CXADR: variants seen among roughly 807,000 people sequenced by gnomAD.
The protein encoded by CXADR is coxsackievirus and adenovirus receptor.
Under a neutral mutation model 40.3 loss-of-function variants are expected in CXADR, and 20 were observed. The ratio of observed to expected loss-of-function variants is 0.50; its 90% CI spans 0.35 to 0.72. The LOEUF (loss-of-function observed/expected upper bound fraction) is 0.72. Ranked by LOEUF, CXADR falls within the 30% of genes least tolerant of loss-of-function variation. CXADR has a pLI of 0.01. For synonymous variants in CXADR, 150 were observed against 161.3 expected, an observed-to-expected ratio of 0.93 and a Z score of 0.53; for missense variants, 332 against 449.1, an observed-to-expected ratio of 0.74 and a Z score of 2.36.
intron 7 of CXADR, among the ~76,000 whole-genome samples, chr21:17,583,477 T>C (rs1399631681): frequency 6.6e-6 from 1 of 152,188 alleles, no homozygotes; most frequent in Non-Finnish European, 1.5e-5. Context: ...GGGGTGGTTG[T>C]TTTTCAGATT....
chr21:17,534,019 T>TATATATAGCTCTATATATATATATACAC (rs1356079376), intron 1 of CXADR, among the ~76,000 whole-genome samples: 2 of 81,400 alleles, frequency 2.5e-5, no homozygotes, highest in Non-Finnish European at 5.5e-5. Flanking sequence ...TATATATATA[T>TATATATAGCTCTATATATATATATACAC]ATATATATAG....
intron 4 of CXADR, 35 bp from the exon 5 acceptor site, chr21:17,560,665 TAA>T: frequency 6.3e-7 from 1 of 1,589,744 alleles, no homozygotes; most frequent in Non-Finnish European, 8.6e-7. Flanking sequence ...ATACATACTA[TAA>T]AAATGAGTTT....
the CXADR span, among the ~76,000 whole-genome samples, chr21:17,605,692 A>C: frequency 6.6e-6 from 1 of 152,216 alleles, no homozygotes; most frequent in Non-Finnish European, 1.5e-5. Context: ...TTTTTAACCT[A>C]TTATACGACA....
intron 1 of CXADR, among the ~76,000 whole-genome samples, chr21:17,529,475 C>T (rs2123157706): frequency 6.6e-6 from 1 of 152,278 alleles, no homozygotes; most frequent in African/African-American, 2.4e-5. Flanking sequence ...CATGTGCCAC[C>T]ACGCCCTGCT....
chr21:17,610,662 T>C, the CXADR span, among the ~76,000 whole-genome samples: 19 of 152,356 alleles, frequency 1.2e-4, no homozygotes, highest in African/African-American at 4.6e-4. Flanking sequence ...ATCTGGCTGC[T>C]GTAACCTGGA....
At chr21:17,620,238 T>G in the CXADR span, among the ~76,000 whole-genome samples, 1,097 of 152,298 alleles carry the variant, frequency 7.2e-3, 19 homozygotes, top group African/African-American at 0.025. Flanking sequence ...GTGTGACTCT[T>G]TTTTTCACTT....
intron 4 of CXADR, among the ~76,000 whole-genome samples, chr21:17,560,281 C>T (rs962446267): frequency 8.5e-5 from 13 of 152,140 alleles, no homozygotes; most frequent in African/African-American, 3.1e-4. Flanking sequence ...AACTAAGAGA[C>T]CAATCTGGGA....
chr21:17,515,892 A>G (rs1173766460), intron 1 of CXADR, among the ~76,000 whole-genome samples: 9 of 152,208 alleles, frequency 5.9e-5, no homozygotes, highest in Admixed American at 5.9e-4. Context: ...AAAACAAGGG[A>G]AAGACTCATT....
At chr21:17,628,855 G>T in the CXADR span, among the ~76,000 whole-genome samples, 1 of 152,126 alleles carries the variant, frequency 6.6e-6, no homozygotes. Context: ...CTCTCACTTG[G>T]GAGAGGGTCA....
chr21:17,598,602 T>C, the CXADR span: 10 of 1,609,834 alleles, frequency 6.2e-6, no homozygotes, highest in Non-Finnish European at 8.5e-6. Flanking sequence ...AAAACTGAGC[T>C]GTTTTCATGG....
downstream of CXADR, chr21:17,594,012 TAAG>T: frequency 6.7e-7 from 1 of 1,492,360 alleles, no homozygotes; most frequent in Non-Finnish European, 9.0e-7. Context: ...CTACTATTAG[TAAG>T]AACTTTTAAC....
chr21:17,566,745 C>T lies in CXADR; in HGVS notation c.*1053C>T, dbSNP rs1222914200. ...TAAATTTACCCTCTTGAATATAATC[C>T]CTGGATGATATTTTTTATCATAAAT... is the stretch of plus-strand genomic sequence containing the variant. On this transcript the variant is annotated 3_prime_UTR_variant, in exon 7 of 7. Transcript: ENST00000284878. 1.0e-6 allele frequency: 1 copy of T among 964,010 alleles called. No individual in the cohort carries two copies. The highest frequency in any genetic ancestry group is 1.2e-6 in the Non-Finnish European group (1 of 811,146). 59.7% of individuals were successfully genotyped at this position (964,010 alleles called of 1,614,324 possible).
the CXADR span, among the ~76,000 whole-genome samples, chr21:17,606,864 C>CA: frequency 6.6e-6 from 1 of 152,130 alleles, no homozygotes; most frequent in South Asian, 2.1e-4. Flanking sequence ...TCTAATTATA[C>CA]TTCTAGAATA....
At chr21:17,562,408 GC>G (rs1376094332) in intron 6 of CXADR, among the ~76,000 whole-genome samples, 2 of 152,182 alleles carry the variant, frequency 1.3e-5, no homozygotes, top group Non-Finnish European at 2.9e-5. Flanking sequence ...TGCAACCTCT[GC>G]CCCCTGGGTT....
chr21:17,559,668 GGT>G (rs796948757), intron 4 of CXADR, among the ~76,000 whole-genome samples: 74,688 of 105,136 alleles, frequency 0.71, 23,560 homozygotes, highest in Middle Eastern at 0.76. Flanking sequence ...CTTTTTTTTG[GGT>G]TTTTTTTTTT....
chr21:17,535,950 G>T (rs2060749489), intron 1 of CXADR, among the ~76,000 whole-genome samples: 1 of 152,204 alleles, frequency 6.6e-6, no homozygotes, highest in Admixed American at 6.5e-5. Flanking sequence ...GGAGGCTGCA[G>T]TGAGCCAAGA....
At chr21:17,517,454 A>C (rs1887671481) in intron 1 of CXADR, among the ~76,000 whole-genome samples, 1 of 152,202 alleles carries the variant, frequency 6.6e-6, no homozygotes, top group Non-Finnish European at 1.5e-5. Context: ...TAGGGCCAGT[A>C]CCATTTCATA....
intron 2 of CXADR, among the ~76,000 whole-genome samples, chr21:17,550,385 G>A (rs1380745941): frequency 1.3e-5 from 2 of 151,754 alleles, no homozygotes; most frequent in East Asian, 1.9e-4. Context: ...GGTGGGTTGG[G>A]GTGGGGTCAG....
chr21:17,598,647 C>T, the CXADR span: 15 of 1,613,896 alleles, frequency 9.3e-6, no homozygotes, highest in African/African-American at 6.7e-5. Flanking sequence ...CTGCAGTCAC[C>T]GAACTGGGTT....
Sources: gnomAD v4.1 joint callset for allele counts (sites outside exome capture counted in the v4.1 genomes callset) on GRCh38, gnomAD v4.1.1 for gene constraint, MANE v1.5 for transcripts, NCBI Gene and HGNC (gene_info 2026-07-23, HGNC 2026-07-21) for gene names.